The following GPC4 variants were observed in gnomAD, a reference collection of about 807,000 sequenced individuals.
GPC4 encodes glypican-4.
Under a neutral mutation model 35.0 loss-of-function variants are expected in GPC4, and 10 were observed. That is an observed-to-expected ratio of 0.29 (90% confidence interval 0.18 to 0.48). GPC4 has a LOEUF of 0.48. GPC4 is among the 20% of genes least tolerant of loss of function. The pLI is 0.99. For missense variants in GPC4, 322 were observed against 451.3 expected, an observed-to-expected ratio of 0.71 and a Z score of 2.60; for synonymous variants, 167 against 170.2, an observed-to-expected ratio of 0.98 and a Z score of 0.15.
chrX:133,319,458 AAAAAAAAAAAAAAG>A (rs2068354254), intron 3 of GPC4, among the ~76,000 whole-genome samples: 1 of 105,467 alleles, frequency 9.5e-6, no homozygotes, highest in Non-Finnish European at 1.9e-5. Context: ...AAAAAAAAAA[AAAAAAAAAAAAAAG>A]AAAGAAGGAA....
chrX:133,402,326 G>A (rs1018874571), intron 1 of GPC4, among the ~76,000 whole-genome samples: 4 of 112,079 alleles, frequency 3.6e-5, no homozygotes, highest in African/African-American at 9.7e-5. Context: ...GGATGATGAC[G>A]TCAAGGGTTT....
chrX:133,385,798 G>A (rs1176682739), intron 1 of GPC4, among the ~76,000 whole-genome samples: 1 of 111,202 alleles, frequency 9.0e-6, no homozygotes, highest in Non-Finnish European at 1.9e-5. Context: ...CCAACAGTGA[G>A]GCAGCCAAAA....
At chrX:133,385,330 A>G (rs186962221) in intron 1 of GPC4, among the ~76,000 whole-genome samples, 1 of 112,199 alleles carries the variant, frequency 8.9e-6, no homozygotes. Context: ...AAAAGTGTTC[A>G]TGATCTACAT....
chrX:133,377,403 A>T (rs1165283176), intron 1 of GPC4, among the ~76,000 whole-genome samples: 2 of 111,470 alleles, frequency 1.8e-5, no homozygotes, highest in Non-Finnish European at 3.8e-5. Context: ...TCCCAGTACT[A>T]CCCAAATTAT....
rs201154316 is a variant in GPC4, at chrX:133,355,397, T to TA, written c.161-16057dup. 2.3e-4 allele frequency among the ~76,000 whole-genome samples: 26 copies of TA among 112,150 alleles called. No individual in the cohort carries two copies. In the East Asian group the frequency reaches 7.3e-3, roughly 31 times the overall value. On this transcript the variant is annotated intron_variant, in intron 1 of 8. Coordinates refer to ENST00000370828, the MANE Select transcript of GPC4 (RefSeq NM_001448.3). ...TGGGCAAGTAGAAAATATACTCTTA[T>TA]AAAAAAGCATTGTTTCGTTATTATG...
chrX:133,390,165 A>T (rs146136551), intron 1 of GPC4, among the ~76,000 whole-genome samples: 1,583 of 111,169 alleles, frequency 0.014, 36 homozygotes, highest in African/African-American at 0.049. Context: ...CAGCTGTCTC[A>T]AAAAAGCTCC....
intron 1 of GPC4, among the ~76,000 whole-genome samples, chrX:133,402,695 G>C (rs764401045): frequency 9.0e-6 from 1 of 111,263 alleles, no homozygotes; most frequent in African/African-American, 3.3e-5. Flanking sequence ...CCTGAGGTCA[G>C]GGGTTCGAGA....
intron 2 of GPC4, among the ~76,000 whole-genome samples, chrX:133,337,464 A>G (rs1271903156): frequency 1.8e-5 from 2 of 111,812 alleles, no homozygotes; most frequent in East Asian, 5.6e-4. Flanking sequence ...AAGTCTAACA[A>G]GAAATGAGGT....
intron 1 of GPC4, among the ~76,000 whole-genome samples, chrX:133,377,380 A>G (rs1408239481): frequency 9.0e-6 from 1 of 111,505 alleles, no homozygotes; most frequent in African/African-American, 3.3e-5. Flanking sequence ...ACCCACTCCC[A>G]TATGACCTCA....
chrX:133,349,155 A>T (rs1480362503), intron 1 of GPC4, among the ~76,000 whole-genome samples: 1 of 112,370 alleles, frequency 8.9e-6, no homozygotes, highest in African/African-American at 3.2e-5. Flanking sequence ...TTGGAAGGTC[A>T]TGGTGATTCT....
chrX:133,312,766 G>C (rs990725163), intron 3 of GPC4, among the ~76,000 whole-genome samples: 9 of 111,535 alleles, frequency 8.1e-5, no homozygotes, highest in African/African-American at 2.9e-4. Flanking sequence ...CTGGAAGTTT[G>C]TGAGGAAGGA....
intron 3 of GPC4, among the ~76,000 whole-genome samples, chrX:133,323,899 G>A (rs776850382): frequency 9.0e-6 from 1 of 111,079 alleles, no homozygotes; most frequent in South Asian, 3.8e-4. Context: ...CCCCTTCTAA[G>A]AATAGCTACA....
At chrX:133,328,425 C>T (rs758480136) in intron 2 of GPC4, among the ~76,000 whole-genome samples, 1 of 111,382 alleles carries the variant, frequency 9.0e-6, no homozygotes, top group African/African-American at 3.3e-5. Flanking sequence ...GAGAAAAAAT[C>T]CTTTTGCATC....
chrX:133,391,237 C>A (rs780804377), intron 1 of GPC4, among the ~76,000 whole-genome samples: 9 of 112,062 alleles, frequency 8.0e-5, no homozygotes, highest in East Asian at 2.8e-4. Flanking sequence ...AAAGGCCATG[C>A]AACAAACATC....
intron 1 of GPC4, among the ~76,000 whole-genome samples, chrX:133,369,926 A>G (rs2068605167): frequency 9.0e-6 from 1 of 111,486 alleles, no homozygotes; most frequent in African/African-American, 3.3e-5. Context: ...ATAAAAAAAA[A>G]GGTTAAATCA....
chrX:133,303,262 C>T lies in GPC4; in HGVS notation c.1372G>A (p.Asp458Asn). The T allele has an allele frequency of 8.3e-7, 1 of 1,211,014 alleles. No individual in the cohort carries two copies. Among genetic ancestry groups the T allele is most frequent in the South Asian group, 1.8e-5 (1 of 56,950 alleles). ...PEVQVDTSKPDILILRQIMAL... is the reference protein window; with the variant it reads ...PEVQVDTSKPNILILRQIMAL... ...ATGATTTGACGAAGGATCAGTATGT[C>T]TGGTTTGCTGGTGTCAACCTGGACC... Residue 458 changes from aspartate to asparagine, a missense_variant, in exon 8 of 9, where the codon GAC becomes AAC. By Grantham distance (23) the Asp-to-Asn change is conservative. Coordinates refer to ENST00000370828, the MANE Select transcript of GPC4 (RefSeq NM_001448.3).
At chrX:133,364,703 G>T (rs775787229) in intron 1 of GPC4, among the ~76,000 whole-genome samples, 28 of 112,101 alleles carry the variant, frequency 2.5e-4, no homozygotes, top group African/African-American at 8.7e-4. Flanking sequence ...ACTTTCATGT[G>T]AATTACATCT....
chrX:133,394,816 T>C (rs1254669096), intron 1 of GPC4, among the ~76,000 whole-genome samples: 4 of 111,852 alleles, frequency 3.6e-5, no homozygotes, highest in Non-Finnish European at 5.6e-5. Context: ...CCTGACTTTC[T>C]CACCTGTTGT....
chrX:133,360,383 T>C (rs1420762601), intron 1 of GPC4, among the ~76,000 whole-genome samples: 1 of 111,463 alleles, frequency 9.0e-6, no homozygotes. Context: ...ATCAAACATA[T>C]GGAGAGGCTT....
Sources: gnomAD v4.1 joint callset for allele counts (sites outside exome capture counted in the v4.1 genomes callset) on GRCh38, gnomAD v4.1.1 for gene constraint, MANE v1.5 for transcripts, NCBI Gene and HGNC (gene_info 2026-07-23, HGNC 2026-07-21) for gene names.